MET: variants seen among roughly 807,000 people sequenced by gnomAD.
MET encodes MET proto-oncogene, receptor tyrosine kinase.
Under a neutral mutation model 133.1 loss-of-function variants are expected in MET, and 48 were observed. That is an observed-to-expected ratio of 0.36 (90% CI 0.29 to 0.46). The LOEUF (loss-of-function observed/expected upper bound fraction) is 0.46. Ranked by LOEUF, MET falls within the 20% of genes least tolerant of loss-of-function variation. The pLI is 1.00. For missense variants in MET, 1,442 were observed against 1,695.9 expected (o/e 0.85, Z 2.63); for synonymous variants, 628 against 616.5 (o/e 1.02, Z -0.28).
intron 2 of MET, among the ~76,000 whole-genome samples, chr7:116,721,926 AGGTGTGGTGT>A (rs1313939591): frequency 6.6e-6 from 1 of 151,892 alleles, no homozygotes; most frequent in Non-Finnish European, 1.5e-5. Flanking sequence ...ATTTTGGAAT[AGGTGTGGTGT>A]GGTGCTGAAA....
intron 1 of MET, among the ~76,000 whole-genome samples, chr7:116,679,838 A>C (rs191593694): frequency 1.1e-4 from 17 of 152,354 alleles, no homozygotes; most frequent in Non-Finnish European, 2.2e-4. Context: ...AATTTGACAT[A>C]GCTTTAAGTG....
At chr7:116,706,019 C>A (rs1244316167) in intron 2 of MET, among the ~76,000 whole-genome samples, 1 of 152,018 alleles carries the variant, frequency 6.6e-6, no homozygotes, top group Non-Finnish European at 1.5e-5. Context: ...TAAACCATTA[C>A]ATGGCTCATT....
intron 5 of MET, among the ~76,000 whole-genome samples, chr7:116,755,020 G>GAAAGAAAGAAAGAA (rs1794118280): frequency 2.6e-5 from 4 of 151,090 alleles, no homozygotes; most frequent in African/African-American, 7.3e-5. Context: ...AAGAAAGAAA[G>GAAAGAAAGAAAGAA]AAAGAAAGAA....
In MET at chr7:116,795,923, C is replaced by T. The variant is rs201519623; in HGVS notation, c.3972C>T (p.Ala1324=). ...TGCTAAAATGCTGGCACCCTAAAGC[C>T]GAAATGCGCCCATCCTTTTCTGAAC... is the stretch of plus-strand genomic sequence containing the variant. ...EVMLKCWHPK[A]EMRPSFSELV... The change falls in exon 21 of 21, where the codon GCC becomes GCT. Residue 1324 remains alanine (A), a synonymous_variant. Transcript: ENST00000397752. 34 of 1,614,184 alleles carry T rather than the reference C, an allele frequency of 2.1e-5. No homozygotes were observed. Among genetic ancestry groups the T allele is most frequent in the South Asian group, 5.5e-5 (5 of 91,082 alleles).
intron 11 of MET, among the ~76,000 whole-genome samples, chr7:116,768,576 T>TTTTC (rs1794715636): frequency 6.6e-6 from 1 of 152,196 alleles, no homozygotes; most frequent in South Asian, 2.1e-4. Flanking sequence ...TCTTCCCACT[T>TTTTC]CTTTTCCTAG....
At position 116,699,651 on chromosome 7, in the gene MET, G is replaced by T. The variant is rs879254341; in HGVS notation, c.567G>T (p.Lys189Asn). ...ALGAKVLSSVKDRFINFFVGN... is the reference protein window; with the variant it reads ...ALGAKVLSSVNDRFINFFVGN... ...GAGCCAAAGTCCTTTCATCTGTAAAGGACCGGTTCATCAACTTCTTTGTAG... is the reference window on the plus strand; with the variant it reads ...GAGCCAAAGTCCTTTCATCTGTAAATGACCGGTTCATCAACTTCTTTGTAG... Residue 189 changes from lysine to asparagine, a missense_variant, in exon 2 of 21, where the codon AAG becomes AAT. By Grantham distance (94) the Lys-to-Asn change is moderately conservative. Coordinates refer to ENST00000397752, the MANE Select transcript of MET (RefSeq NM_000245.4). 1 of 1,613,976 alleles carries T rather than the reference G, an allele frequency of 6.2e-7. No homozygotes were observed. The highest frequency in any genetic ancestry group is 1.7e-5 in the Admixed American group (1 of 60,010).
At chr7:116,698,249 A>G (rs1308154994) in intron 1 of MET, among the ~76,000 whole-genome samples, 4 of 152,226 alleles carry the variant, frequency 2.6e-5, no homozygotes, top group Non-Finnish European at 5.9e-5. Context: ...TCATAGAAAT[A>G]CTGTCTATAT....
At position 116,797,393 on chromosome 7, in the gene MET, G is replaced by A. The variant is rs1484299385; in HGVS notation, c.*1269G>A. ...GCAAGCAATTGGAAACAAAACTTTTGGGGAGTTTTATTTTGCATTAGGGTG... is the reference window on the plus strand; with the variant it reads ...GCAAGCAATTGGAAACAAAACTTTTAGGGAGTTTTATTTTGCATTAGGGTG... On this transcript the variant is annotated 3_prime_UTR_variant, in exon 21 of 21. Coordinates refer to ENST00000397752, the MANE Select transcript of MET (RefSeq NM_000245.4). 1 of 227,954 alleles carries A rather than the reference G, an allele frequency of 4.4e-6. No individual in the cohort carries two copies. Among genetic ancestry groups the A allele is most frequent in the Non-Finnish European group, 8.7e-6 (1 of 114,882 alleles). 14.1% of individuals were successfully genotyped at this position (227,954 alleles called of 1,614,324 possible).
chr7:116,722,594 T>A (rs1331639031), intron 2 of MET, among the ~76,000 whole-genome samples: 1 of 151,634 alleles, frequency 6.6e-6, no homozygotes, highest in Non-Finnish European at 1.5e-5. Flanking sequence ...CTTTACATTT[T>A]GGCATGATTT....
rs375531399 is a variant in MET at position 116,795,806 on chromosome 7, T to C, written c.3935+15T>C. The stretch of plus-strand genomic sequence containing the variant: ...CCAGACCCCTTGTAAGTAGTCTTTC[T>C]GTACCTCTTACGTTCTTTACTTTTA... On this transcript the variant is annotated intron_variant, in intron 20 of 20. Coordinates refer to ENST00000397752, the MANE Select transcript of MET (RefSeq NM_000245.4). The C allele has an allele frequency of 6.8e-6, 11 of 1,614,122 alleles. No individual in the cohort carries two copies. The highest frequency in any genetic ancestry group is 8.5e-6 in the Non-Finnish European group (10 of 1,180,038).
At chr7:116,729,415 T>G (rs1371491181) in intron 2 of MET, among the ~76,000 whole-genome samples, 1 of 152,196 alleles carries the variant, frequency 6.6e-6, no homozygotes, top group Non-Finnish European at 1.5e-5. Flanking sequence ...ATGTAAAAAC[T>G]CTGGATTGCA....
intron 5 of MET, among the ~76,000 whole-genome samples, chr7:116,752,394 T>C (rs373265119): frequency 6.6e-6 from 1 of 152,220 alleles, no homozygotes; most frequent in Non-Finnish European, 1.5e-5. Context: ...TTTGTGGCTG[T>C]ATCTCCCCTA....
At position 116,759,488 on chromosome 7, in the gene MET, G is replaced by A. The variant is rs1489302008; in HGVS notation, c.2362G>A (p.Val788Met). The A allele has an allele frequency of 6.2e-7, 1 of 1,612,794 alleles. No individual in the cohort carries two copies. The highest frequency in any genetic ancestry group is 8.5e-7 in the Non-Finnish European group (1 of 1,179,480). Reference protein sequence around the residue: ...NVHEAGRNFTVACQHRSNSEI... With the variant: ...NVHEAGRNFTMACQHRSNSEI... ...GCATGAAGCAGGAAGGAACTTTACA[G>A]TGGTAAGTCCTTTGAGCAATGGTTC... is the stretch of plus-strand genomic sequence containing the variant. The change falls in exon 10 of 21, where the codon GTG becomes ATG. Residue 788 changes from valine to methionine, a missense_variant and splice_region_variant. Val to Met is a conservative substitution (Grantham distance 21). Coordinates refer to ENST00000397752, the MANE Select transcript of MET (RefSeq NM_000245.4).
At chr7:116,754,261 A>G (rs1794037583) in intron 5 of MET, among the ~76,000 whole-genome samples, 1 of 152,218 alleles carries the variant, frequency 6.6e-6, no homozygotes, top group African/African-American at 2.4e-5. Context: ...AACACTGGAT[A>G]CCAAATGAGG....
chr7:116,759,008 GC>G (rs1301381855), intron 9 of MET, among the ~76,000 whole-genome samples: 1 of 152,122 alleles, frequency 6.6e-6, no homozygotes, highest in African/African-American at 2.4e-5. Flanking sequence ...TTTACACACA[GC>G]TTTTCTTTAT....
Position 116,778,800 on chromosome 7 carries a change from C to T in MET, c.3365C>T (p.Ser1122Phe), listed in dbSNP as rs1180415202. The change falls in exon 17 of 21, where the codon TCC becomes TTC. Residue 1122 changes from serine to phenylalanine, a missense_variant. Coordinates refer to ENST00000397752, the MANE Select transcript of MET (RefSeq NM_000245.4). ...GGAATCACTGACATAGGAGAAGTTTCCCAATTTCTGACCGAGGGAATCATC... is the reference window on the plus strand; with the variant it reads ...GGAATCACTGACATAGGAGAAGTTTTCCAATTTCTGACCGAGGGAATCATC... Reference protein sequence around the residue: ...LNRITDIGEVSQFLTEGIIMK... With the variant: ...LNRITDIGEVFQFLTEGIIMK... 6.2e-7 allele frequency: 1 copy of T among 1,614,008 alleles called. No homozygotes were observed. Among genetic ancestry groups the T allele is most frequent in the Non-Finnish European group, 8.5e-7 (1 of 1,179,954 alleles).
chr7:116,726,014 G>T (rs1213835400), intron 2 of MET, among the ~76,000 whole-genome samples: 1 of 148,064 alleles, frequency 6.8e-6, no homozygotes, highest in Non-Finnish European at 1.5e-5. Flanking sequence ...TCCAGCATGG[G>T]TGACAGGGGG....
Position 116,672,501 on chromosome 7 carries a change from G to A in MET, c.-91G>A, listed in dbSNP as rs972684378. The A allele has an allele frequency of 1.8e-5, 7 of 398,174 alleles. No individual in the cohort carries two copies. The highest frequency in any genetic ancestry group is 3.1e-5 in the Non-Finnish European group (7 of 225,884). The allele number at this position is 398,174 out of a possible 1,614,324, so 24.7% of individuals were successfully genotyped here. On this transcript the variant is annotated 5_prime_UTR_variant, in exon 1 of 21. Transcript: ENST00000397752. ...TGCGGGGCGACAGCTGACTTGCTGAGAGGAGGCGGGGAGGCGCGGAGCGCG... is the reference window on the plus strand; with the variant it reads ...TGCGGGGCGACAGCTGACTTGCTGAAAGGAGGCGGGGAGGCGCGGAGCGCG...
At chr7:116,680,542 C>A (rs975227123) in intron 1 of MET, among the ~76,000 whole-genome samples, 1 of 151,902 alleles carries the variant, frequency 6.6e-6, no homozygotes, top group Non-Finnish European at 1.5e-5. Flanking sequence ...GAAAGGTGGG[C>A]GGGATATGCT....
Sources: allele counts gnomAD v4.1 joint callset (sites outside exome capture counted in the v4.1 genomes callset), GRCh38; gene constraint gnomAD v4.1.1; transcripts MANE v1.5; gene names NCBI Gene and HGNC (gene_info 2026-07-23, HGNC 2026-07-21).